The following TMEM132C variants were observed in gnomAD, a reference collection of about 807,000 sequenced individuals.
TMEM132C encodes the protein transmembrane protein 132C.
TMEM132C carries 29 observed loss-of-function variants against 61.4 expected under a neutral mutation model. The observed-to-expected ratio is 0.47, with a 90% confidence interval of 0.35 to 0.64. TMEM132C has a LOEUF of 0.64. TMEM132C is among the 30% of genes least tolerant of loss of function. The pLI, the probability that TMEM132C is intolerant of heterozygous loss-of-function variation, is 0.00. For synonymous variants in TMEM132C, 656 were observed against 633.1 expected, an observed-to-expected ratio of 1.04 and a Z score of -0.54; for missense variants, 1,408 against 1,476.9, an observed-to-expected ratio of 0.95 and a Z score of 0.76.
chr12:128,689,940 C>T (rs12578847), intron 5 of TMEM132C, among the ~76,000 whole-genome samples: 2,254 of 152,224 alleles, frequency 0.015, 48 homozygotes, highest in East Asian at 0.064. Flanking sequence ...GGCTAGATGA[C>T]GATTCAGGCC....
intron 1 of TMEM132C, among the ~76,000 whole-genome samples, chr12:128,310,104 C>T (rs1271134330): frequency 6.6e-6 from 1 of 152,224 alleles, no homozygotes; most frequent in East Asian, 1.9e-4. Context: ...TTTGACTATG[C>T]AAACCTTTGA....
intron 5 of TMEM132C, among the ~76,000 whole-genome samples, chr12:128,682,079 G>A (rs1048881684): frequency 2.6e-5 from 4 of 152,138 alleles, no homozygotes; most frequent in Non-Finnish European, 5.9e-5. Context: ...GCTTAGGTCC[G>A]TCCTGTGCTA....
chr12:128,310,452 T>A (rs1018186372), intron 1 of TMEM132C, among the ~76,000 whole-genome samples: 7 of 152,082 alleles, frequency 4.6e-5, no homozygotes, highest in Non-Finnish European at 4.4e-5. Context: ...TAAAGCCTCA[T>A]GGAGCTTCCA....
chr12:128,347,419 C>G (rs1008494890), intron 1 of TMEM132C, among the ~76,000 whole-genome samples: 4 of 150,330 alleles, frequency 2.7e-5, no homozygotes, highest in East Asian at 2.0e-4. Context: ...CTCTCTCTCT[C>G]TCTCTCTCTC....
At chr12:128,455,818 G>C (rs370181877) in intron 2 of TMEM132C, among the ~76,000 whole-genome samples, 3 of 152,144 alleles carry the variant, frequency 2.0e-5, no homozygotes, top group South Asian at 4.1e-4. Context: ...TACGGGCTGT[G>C]GGGGAGCCCG....
At chr12:128,665,613 A>AC (rs1340533091) in intron 4 of TMEM132C, among the ~76,000 whole-genome samples, 142 of 132,642 alleles carry the variant, frequency 1.1e-3, no homozygotes, top group African/African-American at 4.6e-3. Context: ...ACACATACCC[A>AC]AACACAGGCA....
chr12:128,425,257 C>T (rs1278372959), intron 2 of TMEM132C, among the ~76,000 whole-genome samples: 1 of 152,266 alleles, frequency 6.6e-6, no homozygotes, highest in African/African-American at 2.4e-5. Context: ...ACACCGCGGC[C>T]AGCCTTTGGT....
chr12:128,667,460 A>T (rs1188960099), intron 4 of TMEM132C, among the ~76,000 whole-genome samples: 2 of 152,228 alleles, frequency 1.3e-5, no homozygotes, highest in East Asian at 1.9e-4. Context: ...AGCTCCAGGA[A>T]TCCCACGGAC....
At chr12:128,669,331 C>A in intron 4 of TMEM132C, 86 bp from the exon 5 acceptor site, 3 of 1,479,154 alleles carry the variant, frequency 2.0e-6, no homozygotes, top group Non-Finnish European at 1.8e-6. Context: ...CTGGTGTTTA[C>A]CCTGGGAGAT....
chr12:128,324,546 G>T (rs972138647), intron 1 of TMEM132C, among the ~76,000 whole-genome samples: 1 of 152,112 alleles, frequency 6.6e-6, no homozygotes. Context: ...GTTTTTACAG[G>T]TTCCTTTTTG....
chr12:128,404,729 T>C (rs1197567423), intron 1 of TMEM132C: 1 of 152,110 alleles, frequency 6.6e-6, no homozygotes, highest in African/African-American at 2.4e-5. Context: ...AAAGTGAGCA[T>C]TGCGATGAAA....
chr12:128,699,449 G>T (rs1434352445), intron 8 of TMEM132C, among the ~76,000 whole-genome samples: 1 of 152,154 alleles, frequency 6.6e-6, no homozygotes, highest in Non-Finnish European at 1.5e-5. Context: ...TAGGACTGAG[G>T]TTGCCAATTC....
At chr12:128,490,153 G>A (rs111657103) in intron 2 of TMEM132C, among the ~76,000 whole-genome samples, 1,609 of 152,272 alleles carry the variant, frequency 0.011, 29 homozygotes, top group African/African-American at 0.035. Flanking sequence ...CCCTTATGTC[G>A]CCCTATCTTG....
chr12:128,281,676 T>C (rs1870901683), intron 1 of TMEM132C, among the ~76,000 whole-genome samples: 1 of 152,182 alleles, frequency 6.6e-6, no homozygotes, highest in African/African-American at 2.4e-5. Context: ...AGTGGGGACA[T>C]GGCAAGAGAT....
intron 1 of TMEM132C, among the ~76,000 whole-genome samples, chr12:128,274,189 T>C (rs533887633): frequency 6.6e-6 from 1 of 152,350 alleles, no homozygotes; most frequent in East Asian, 1.9e-4. Context: ...TCTTCCACAA[T>C]GTGTACGCAT....
At chr12:128,600,051 C>T (rs1048034561) in intron 3 of TMEM132C, among the ~76,000 whole-genome samples, 3 of 152,112 alleles carry the variant, frequency 2.0e-5, no homozygotes, top group Admixed American at 6.5e-5. Flanking sequence ...GGCGCGATCT[C>T]GGCTCACTGC....
chr12:128,365,254 C>T (rs570130892), intron 1 of TMEM132C, among the ~76,000 whole-genome samples: 63 of 152,244 alleles, frequency 4.1e-4, no homozygotes, highest in Non-Finnish European at 7.8e-4. Context: ...CAAAATGGAA[C>T]GGTCCAAGTG....
chr12:128,532,640 CAAAAAAAAA>C lies in TMEM132C; in HGVS notation c.975-11298_975-11290del, dbSNP rs61283555. On this transcript the variant is annotated intron_variant, in intron 2 of 8. Coordinates refer to ENST00000435159, the MANE Select transcript of TMEM132C (RefSeq NM_001136103.3). ...TGGGTGACAGAGTGAGACTCCATCT[CAAAAAAAAA>C]AAAAAAAAAAAAAAAAAAGAGCAGT... 4.6e-3 allele frequency among the ~76,000 whole-genome samples: 312 copies of C among 67,160 alleles called. 2 individuals carry two copies. The highest frequency in any genetic ancestry group is 8.5e-3 in the South Asian group (15 of 1,764). The allele number at this position is 67,160 out of a possible 152,430, so 44.1% of individuals were successfully genotyped here. A position where few individuals can be genotyped will look rare whatever the true frequency, so the allele number is the denominator to read the frequency against.
chr12:128,561,671 A>G (rs1445745435), intron 3 of TMEM132C, among the ~76,000 whole-genome samples: 6 of 152,242 alleles, frequency 3.9e-5, no homozygotes, highest in Admixed American at 6.5e-5. Flanking sequence ...CAAATGCTAT[A>G]AAGAAGAGGT....
Sources: gnomAD v4.1 joint callset for allele counts (sites outside exome capture counted in the v4.1 genomes callset) on GRCh38, gnomAD v4.1.1 for gene constraint, MANE v1.5 for transcripts, NCBI Gene and HGNC (gene_info 2026-07-23, HGNC 2026-07-21) for gene names.